The following SELENON variants were observed in gnomAD, a reference collection of about 807,000 sequenced individuals.
SELENON encodes selenoprotein N, also known as selenoprotein N, 1.
Under a neutral mutation model 59.5 loss-of-function variants are expected in SELENON, and 44 were observed. The ratio of observed to expected loss-of-function variants is 0.74; its 90% CI spans 0.58 to 0.95. The LOEUF is 0.95. SELENON is among the 40% of genes least tolerant of loss of function. SELENON has a pLI of 0.00. For synonymous variants in SELENON, 320 were observed against 305.6 expected (o/e 1.05, Z -0.49); for missense variants, 674 against 721.4 (o/e 0.93, Z 0.75).
rs1160352156 is a variant in SELENON at position 25,807,596 on chromosome 1, TC to T, written c.538-980del. On this transcript the variant is annotated intron_variant, in intron 4 of 12. Transcript: ENST00000361547. The surrounding 1 kb of genome is among the most constrained non-coding windows in gnomAD (Gnocchi z 4.5). ...AAGCCCAGCACCCATCGCTGGCAGG[TC>T]CCCTGCAGGGGGTGGCAAGCCTACA... Among the ~76,000 whole-genome samples, 1 of 151,954 alleles carries T rather than the reference TC, an allele frequency of 6.6e-6. No homozygotes were observed. Among genetic ancestry groups the T allele is most frequent in the Non-Finnish European group, 1.5e-5 (1 of 68,004 alleles).
At position 25,813,081 on chromosome 1, in the gene SELENON, A is replaced by T. The variant is rs138816589; in HGVS notation, c.1387+289A>T. On this transcript the variant is annotated intron_variant, in intron 10 of 12. Transcript: ENST00000361547. ...TGTGAGCCTCAGTTTTCTCAATAGT[A>T]AGAGGGGATAACACACTTACCTCTC... 8.6e-3 allele frequency among the ~76,000 whole-genome samples: 1,314 copies of T among 152,244 alleles called. 6 individuals are homozygous for T. Among genetic ancestry groups the T allele is most frequent in the Non-Finnish European group, 0.011 (716 of 68,012 alleles).
Position 25,808,753 on chromosome 1 carries a change from C to CA in SELENON, c.713dup (p.Asn238LysfsTer?), listed in dbSNP as rs368104077. On this transcript the variant is annotated frameshift_variant, in exon 5 of 13. Coordinates refer to ENST00000361547, the MANE Select transcript of SELENON (RefSeq NM_020451.3). LOFTEE classifies it high-confidence loss of function. ...GCATGTTCACTGGCTACCTGTCCAA[C>CA]AACCGCTTCTATCCACCGCCGCCCA... 1.1e-4 allele frequency: 185 copies of CA among 1,613,858 alleles called. No homozygotes were observed. Among genetic ancestry groups the CA allele is most frequent in the Admixed American group, 1.2e-4 (7 of 60,012 alleles).
chr1:25,801,917 G>C (rs1478211489), intron 2 of SELENON: 1 of 211,378 alleles, frequency 4.7e-6, no homozygotes, highest in Non-Finnish European at 9.9e-6. Flanking sequence ...TCCTGCACCA[G>C]CTCACAGGTT....
intron 9 of SELENON, 83 bp from the exon 9 acceptor site, chr1:25,812,589 ACACACACACACACAC>A: frequency 1.3e-6 from 1 of 781,604 alleles, no homozygotes; most frequent in East Asian, 2.7e-5. Context: ...ACACACACAC[ACACACACACACACAC>A]ACTTGCACAC....
chr1:25,811,989 G>A, intron 9 of SELENON, 110 bp downstream of exon 8: 1 of 1,192,872 alleles, frequency 8.4e-7, no homozygotes. Flanking sequence ...GCTTGCTACT[G>A]AGGCTGTCTC....
At chr1:25,801,437 G>A (rs1461301928) in intron 2 of SELENON, among the ~76,000 whole-genome samples, 1 of 152,180 alleles carries the variant, frequency 6.6e-6, no homozygotes, top group Non-Finnish European at 1.5e-5. Flanking sequence ...GAGATGGAAG[G>A]ATCGCTTGAG....
In SELENON at chr1:25,815,631, A is replaced by G; in HGVS notation, c.1686A>G (p.Ser562=). 3 of 1,614,180 alleles carry G rather than the reference A, an allele frequency of 1.9e-6. No homozygotes were observed. The highest frequency in any genetic ancestry group is 1.6e-4 in the Middle Eastern group (1 of 6,062). Reference sequence around the variant, plus strand: ...TCGAGAGCAATCTCTTCAGCTTCTCATCCACCTTTGAAGACCCGTCCACGG... The same window carrying G: ...TCGAGAGCAATCTCTTCAGCTTCTCGTCCACCTTTGAAGACCCGTCCACGG... Residue 562 remains serine, a synonymous_variant, in exon 13 of 13, where the codon TCA becomes TCG. Transcript: ENST00000361547.
At position 25,818,111 on chromosome 1, in the gene SELENON, A is replaced by T. The variant is rs1248260467; in HGVS notation, c.*2393A>T. On this transcript the variant is annotated 3_prime_UTR_variant, in exon 13 of 13. Coordinates refer to ENST00000361547, the MANE Select transcript of SELENON (RefSeq NM_020451.3). ...GATGCCTCTGCAGTTCATGTCCCCC[A>T]CCAGGCCTCGAGGCTCAGGGTGGGA... 1 of 152,306 alleles carries T rather than the reference A, an allele frequency of 6.6e-6. No individual in the cohort carries two copies. The highest frequency in any genetic ancestry group is 1.5e-5 in the Non-Finnish European group (1 of 68,134). The allele number at this position is 152,306 out of a possible 1,614,324, so 9.4% of individuals were successfully genotyped here.
intron 12 of SELENON, among the ~76,000 whole-genome samples, chr1:25,814,858 G>A (rs2047996969): frequency 6.6e-6 from 1 of 152,116 alleles, no homozygotes. Flanking sequence ...GGCTTCCTCA[G>A]GATCTTAGGA....
rs761631813 is a variant in SELENON, at chr1:25,814,150, T to G, written c.1574T>G (p.Met525Arg). ...GAGAAGTACAGCTTCCCCGTGGAGA[T>G]GATGATCTGCCTGCCCAATGGCACC... Residue 525 changes from methionine to arginine, a missense_variant, in exon 12 of 13, where the codon ATG (methionine) becomes AGG (arginine). Coordinates refer to ENST00000361547, the MANE Select transcript of SELENON (RefSeq NM_020451.3). 9.3e-6 allele frequency: 15 copies of G among 1,613,994 alleles called. No homozygotes were observed. The East Asian group carries it at 2.5e-4, about 26-fold the overall frequency.
chr1:25,801,238 G>T, intron 2 of SELENON, 78 bp downstream of exon 2: 1 of 1,111,460 alleles, frequency 9.0e-7, no homozygotes, highest in Middle Eastern at 2.1e-4. Flanking sequence ...CGGCCGTCTG[G>T]AGTGGAGGGA....
intron 4 of SELENON, among the ~76,000 whole-genome samples, chr1:25,806,680 A>G (rs948725579): frequency 6.6e-5 from 10 of 152,202 alleles, no homozygotes; most frequent in African/African-American, 2.4e-5. Context: ...GCTGCCCAGC[A>G]GCAGCCCCTT....
rs911788176 is a variant in SELENON at position 25,800,209 on chromosome 1, GCAGCCGCCGC to G, written c.-14_-5del. 5.4e-6 allele frequency: 3 copies of G among 557,940 alleles called. No individual in the cohort carries two copies. Among genetic ancestry groups the G allele is most frequent in the African/African-American group, 4.1e-5 (2 of 48,294 alleles). The allele number at this position is 557,940 out of a possible 1,614,324, so 34.6% of individuals were successfully genotyped here. On this transcript the variant is annotated 5_prime_UTR_variant, in exon 1 of 13. Coordinates refer to ENST00000361547, the MANE Select transcript of SELENON (RefSeq NM_020451.3). ...CGCTCTTTCGCTTCCCGGGCCGCCG[GCAGCCGCCGC>G]CAGCCGCAGCCATGGGCCGGGCCCG...
At chr1:25,809,647 G>A (rs1441294167) in intron 6 of SELENON, 36 bp from the exon 6 acceptor site, 1 of 1,611,642 alleles carries the variant, frequency 6.2e-7, no homozygotes, top group African/African-American at 1.3e-5. Context: ...GGGAGAAGGT[G>A]GGCAGCTCTG....
At chr1:25,814,298 G>T in intron 12 of SELENON, 120 bp downstream of exon 11, 1 of 776,490 alleles carries the variant, frequency 1.3e-6, no homozygotes, top group South Asian at 1.5e-5. Flanking sequence ...CCACTTCCTG[G>T]CTGCAAAGCC....
intron 10 of SELENON, 53 bp downstream of exon 9, chr1:25,812,845 G>A: frequency 7.2e-7 from 1 of 1,391,038 alleles, no homozygotes; most frequent in Non-Finnish European, 1.0e-6. Flanking sequence ...CACACCTTGT[G>A]GGGTACCAGA....
chr1:25,814,212 G>T, intron 12 of SELENON, 34 bp downstream of exon 11: 1 of 1,577,968 alleles, frequency 6.3e-7, no homozygotes, highest in South Asian at 1.1e-5. Flanking sequence ...ACAGGGCCCA[G>T]GCACCTCGGG....
chr1:25,809,971 A>G, intron 7 of SELENON, 151 bp downstream of exon 6: 1 of 990,700 alleles, frequency 1.0e-6, no homozygotes, highest in Non-Finnish European at 1.5e-6. Context: ...AGGCGGCATG[A>G]GGCAGGCAAG....
chr1:25,812,606 C>CACACACACACACACTA, intron 9 of SELENON, 81 bp from the exon 9 acceptor site: 1 of 893,018 alleles, frequency 1.1e-6, no homozygotes, highest in Non-Finnish European at 1.8e-6. Flanking sequence ...CACACACACA[C>CACACACACACACACTA]TTGCACACAC....
Sources: gnomAD v4.1 joint callset for allele counts (sites outside exome capture counted in the v4.1 genomes callset) on GRCh38, gnomAD v4.1.1 for gene constraint, Gnocchi (gnomAD v3.1) non-coding constraint, MANE v1.5 for transcripts, NCBI Gene and HGNC (gene_info 2026-07-23, HGNC 2026-07-21) for gene names.